Variants in AKIP1 observed in about 807,000 individuals in gnomAD.
AKIP1 encodes A-kinase interacting protein 1, also known as A-kinase-interacting protein 1.
In AKIP1, 18 loss-of-function variants were observed where a neutral mutation model predicts 22.3. The ratio of observed to expected loss-of-function variants is 0.81; its 90% CI spans 0.56 to 1.19. The LOEUF (loss-of-function observed/expected upper bound fraction) is 1.19, where lower values mean the gene tolerates loss of function less well. AKIP1 is among the 50% of genes most tolerant of loss of function. The pLI is 0.00. For missense variants in AKIP1, 287 were observed against 264.6 expected, an observed-to-expected ratio of 1.08 and a Z score of -0.59; for synonymous variants, 120 against 102.7, an observed-to-expected ratio of 1.17 and a Z score of -1.02.
At chr11:8,912,928 G>A (rs1239718112) in intron 3 of AKIP1, among the ~76,000 whole-genome samples, 3 of 137,602 alleles carry the variant, frequency 2.2e-5, no homozygotes, top group African/African-American at 8.2e-5. Flanking sequence ...AGGCTGGAGT[G>A]CAGTGGTGTG....
In AKIP1 at chr11:8,914,785, GAC is replaced by G. The variant is rs775629675; in HGVS notation, c.304-39_304-38del. 5 of 1,512,666 alleles carry G rather than the reference GAC, an allele frequency of 3.3e-6. No homozygotes were observed. In the Admixed American group the frequency reaches 8.5e-5, roughly 26 times the overall value. 93.7% of individuals were successfully genotyped at this position (1,512,666 alleles called of 1,614,324 possible). On this transcript the variant is annotated intron_variant, in intron 3 of 5. Coordinates refer to ENST00000309377, the MANE Select transcript of AKIP1 (RefSeq NM_020642.4). The stretch of plus-strand genomic sequence containing the variant: ...TCAGGGTTTTTTGAAAATTTGACAA[GAC>G]AATTTGGTTAGCTAACATCTTTGAC...
chr11:8,911,887 T>A (rs2064365487), intron 2 of AKIP1, among the ~76,000 whole-genome samples: 1 of 124,552 alleles, frequency 8.0e-6, no homozygotes, highest in Non-Finnish European at 1.7e-5. Flanking sequence ...TCAGCCCTGG[T>A]TGGTTACTTA....
At chr11:8,915,347 A>ATTTTTTTTTCTTTTTTTTTT (rs2064463968) in intron 4 of AKIP1, among the ~76,000 whole-genome samples, 2 of 105,096 alleles carry the variant, frequency 1.9e-5, no homozygotes, top group Non-Finnish European at 1.9e-5. Context: ...TAGGGATAGG[A>ATTTTTTTTTCTTTTTTTTTT]TTTTTTTTTT....
rs550673262 is a variant in AKIP1 at position 8,916,709 on chromosome 11, G to A, written c.409-578G>A. On this transcript the variant is annotated intron_variant, in intron 4 of 5. Transcript: ENST00000309377. ...CCCCTGGCCTGGGAGGTGAGTAGTG[G>A]TGCCAGAGCTTGAGTCCTGAGCCCC... Among the ~76,000 whole-genome samples the A allele has an allele frequency of 5.9e-5, 9 of 152,292 alleles. No individual in the cohort carries two copies. The East Asian group carries it at 1.7e-3, about 29-fold the overall frequency.
At chr11:8,915,020 C>A in intron 4 of AKIP1, 90 bp downstream of exon 4, 4 of 974,424 alleles carry the variant, frequency 4.1e-6, no homozygotes, top group Non-Finnish European at 6.3e-6. Flanking sequence ...CTTTGTGTCA[C>A]TGGATGCCCG....
rs1458625592 is a variant in AKIP1, at chr11:8,911,228, G to T, written c.-7+5G>T. On this transcript the variant is annotated splice_donor_5th_base_variant and intron_variant, in intron 1 of 5. Coordinates refer to ENST00000309377, the MANE Select transcript of AKIP1 (RefSeq NM_020642.4). ...GCGCCTTGACGAGTGAGCCGGGTGA[G>T]GGGGCTCCCTAAGTAGCGGAAGGGG... 5 of 563,330 alleles carry T rather than the reference G, an allele frequency of 8.9e-6. No homozygotes were observed. The highest frequency in any genetic ancestry group is 3.8e-5 in the African/African-American group (2 of 52,878). The allele number at this position is 563,330 out of a possible 1,614,324, so 34.9% of individuals were successfully genotyped here. A position where few individuals can be genotyped will look rare whatever the true frequency, so the allele number is the denominator to read the frequency against.
intron 5 of AKIP1, among the ~76,000 whole-genome samples, chr11:8,918,881 T>C (rs112536649): frequency 9.3e-4 from 142 of 152,324 alleles, no homozygotes; most frequent in African/African-American, 3.3e-3. Flanking sequence ...AAGAAATGCC[T>C]GTCATCTTCC....
Position 8,912,317 on chromosome 11 carries a change from T to G in AKIP1, c.223-136T>G, listed in dbSNP as rs878955029. 1.0e-5 allele frequency: 7 copies of G among 671,742 alleles called. No homozygotes were observed. The Admixed American group carries it at 1.7e-4, about 17-fold the overall frequency. 41.6% of individuals were successfully genotyped at this position (671,742 alleles called of 1,614,324 possible). A position where few individuals can be genotyped will look rare whatever the true frequency, so the allele number is the denominator to read the frequency against. ...TCTATCTTTTAGAGTTGGAATTCTT[T>G]CTCAATAACATCGTTCTTTCTGACA... On this transcript the variant is annotated intron_variant, in intron 2 of 5. Coordinates refer to ENST00000309377, the MANE Select transcript of AKIP1 (RefSeq NM_020642.4).
Position 8,919,679 on chromosome 11 carries a change from C to G in AKIP1, c.*199C>G. 1.8e-6 allele frequency: 1 copy of G among 541,394 alleles called. No homozygotes were observed. Among genetic ancestry groups the G allele is most frequent in the Non-Finnish European group, 3.2e-6 (1 of 312,396 alleles). 33.5% of individuals were successfully genotyped at this position (541,394 alleles called of 1,614,324 possible). On this transcript the variant is annotated 3_prime_UTR_variant, in exon 6 of 6. Transcript: ENST00000309377. ...TTTGAGACAGTCTCACTCTGTTGCC[C>G]AGGCTGGAGTGCAGTGGCGTGATCT... is the stretch of plus-strand genomic sequence containing the variant.
chr11:8,919,671 CT>C lies in AKIP1; in HGVS notation c.*192del. 1 of 567,152 alleles carries C rather than the reference CT, an allele frequency of 1.8e-6. No individual in the cohort carries two copies. The allele number at this position is 567,152 out of a possible 1,614,324, so 35.1% of individuals were successfully genotyped here. ...GGTTTTTTTTTGAGACAGTCTCACTCTGTTGCCCAGGCTGGAGTGCAGTGGC... is the reference window on the plus strand; with the variant it reads ...GGTTTTTTTTTGAGACAGTCTCACTCGTTGCCCAGGCTGGAGTGCAGTGGC... On this transcript the variant is annotated 3_prime_UTR_variant, in exon 6 of 6. Transcript: ENST00000309377.
Position 8,911,504 on chromosome 11 carries a change from C to T in AKIP1, c.55C>T (p.Gln19Ter), listed in dbSNP as rs771060497. The part of the protein sequence containing the change: ...ALNGVDRRSL[Q>*]RSARLALEVL... ...GAATGGGGTGGACCGACGTTCCCTG[C>T]AGCGTTCAGCAAGGCTGGCTCTAGA... The change falls in exon 2 of 6, where the codon CAG (glutamine) becomes TAG (stop). Residue 19 changes from glutamine to a stop codon, truncating the protein, a stop_gained. Coordinates refer to ENST00000309377, the MANE Select transcript of AKIP1 (RefSeq NM_020642.4). LOFTEE classifies it high-confidence loss of function. The T allele has an allele frequency of 6.2e-7, 1 of 1,608,758 alleles. No individual in the cohort carries two copies. Among genetic ancestry groups the T allele is most frequent in the East Asian group, 2.2e-5 (1 of 44,734 alleles).
chr11:8,914,313 T>G (rs2064444155), intron 3 of AKIP1, among the ~76,000 whole-genome samples: 1 of 152,204 alleles, frequency 6.6e-6, no homozygotes, highest in African/African-American at 2.4e-5. Context: ...GACTTCTCCC[T>G]CCACTCCCCC....
In AKIP1 at chr11:8,914,913, G is replaced by C. The variant is rs79029701; in HGVS notation, c.391G>C (p.Asp131His). 1,712 of 1,613,706 alleles carry C rather than the reference G, an allele frequency of 1.1e-3. 19 individuals carry two copies. The African/African-American group carries it at 0.02, about 19-fold the overall frequency. Reference sequence around the variant, plus strand: ...CGAGTCGAAGCTGCACATGTGCTTGGACATAGGGAATGGTCAGGTAAGTGT... The same window carrying C: ...CGAGTCGAAGCTGCACATGTGCTTGCACATAGGGAATGGTCAGGTAAGTGT... Reference protein sequence around the residue: ...RGESKLHMCLDIGNGQRKDRK... With the variant: ...RGESKLHMCLHIGNGQRKDRK... Residue 131 changes from aspartate (D) to histidine (H), a missense_variant, in exon 4 of 6, where the codon GAC becomes CAC. Transcript: ENST00000309377.
At chr11:8,916,287 C>T (rs2064484904) in intron 4 of AKIP1, among the ~76,000 whole-genome samples, 1 of 152,104 alleles carries the variant, frequency 6.6e-6, no homozygotes, top group Admixed American at 6.5e-5. Flanking sequence ...AAAGAAAGTA[C>T]AAGGGAAGTG....
intron 3 of AKIP1, among the ~76,000 whole-genome samples, chr11:8,913,946 A>T (rs920968276): frequency 1.3e-5 from 2 of 152,198 alleles, no homozygotes. Context: ...GCTGTTCTTC[A>T]TTTTTGTTTT....
chr11:8,918,512 ACTT>A (rs2064522435), intron 5 of AKIP1, among the ~76,000 whole-genome samples: 1 of 152,178 alleles, frequency 6.6e-6, no homozygotes, highest in South Asian at 2.1e-4. Context: ...GGAATCGACA[ACTT>A]CTGCCTATGG....
intron 4 of AKIP1, among the ~76,000 whole-genome samples, chr11:8,916,263 T>C (rs1474772380): frequency 6.6e-6 from 1 of 152,106 alleles, no homozygotes; most frequent in East Asian, 1.9e-4. Context: ...GCCCCTGTCT[T>C]TCATAATTTT....
chr11:8,911,317 G>A, intron 1 of AKIP1, 94 bp downstream of exon 1: 1 of 802,366 alleles, frequency 1.2e-6, no homozygotes, highest in Non-Finnish European at 1.9e-6. Context: ...GCTGGAGTGT[G>A]CGTTGGGGGC....
intron 2 of AKIP1, among the ~76,000 whole-genome samples, chr11:8,911,918 C>G (rs1174374597): frequency 6.8e-6 from 1 of 147,370 alleles, no homozygotes; most frequent in African/African-American, 2.5e-5. Flanking sequence ...AAAAAATTAG[C>G]CGGGCGCGGT....
Sources: gnomAD v4.1 joint callset for allele counts (sites outside exome capture counted in the v4.1 genomes callset) on GRCh38, gnomAD v4.1.1 for gene constraint, MANE v1.5 for transcripts, NCBI Gene and HGNC (gene_info 2026-07-23, HGNC 2026-07-21) for gene names.